The following DCC variants were observed in gnomAD, a reference collection of about 807,000 sequenced individuals.
DCC encodes netrin receptor DCC.
DCC carries 58 observed loss-of-function variants against 172.5 expected under a neutral mutation model. The ratio of observed to expected loss-of-function variants is 0.34; its 90% CI spans 0.27 to 0.42. The LOEUF is 0.42. DCC is among the 10% of genes least tolerant of loss of function. The probability of loss-of-function intolerance (pLI) is 1.00; values close to 1 mark genes in which losing one functional copy is unlikely to be tolerated. For synonymous variants in DCC, 709 were observed against 644.5 expected (o/e 1.10, Z -1.52); for missense variants, 1,740 against 1,791.0 (o/e 0.97, Z 0.51).
At chr18:53,109,941 G>A (rs745844124) in intron 7 of DCC, among the ~76,000 whole-genome samples, 16 of 151,422 alleles carry the variant, frequency 1.1e-4, no homozygotes, top group Non-Finnish European at 2.1e-4. Flanking sequence ...TGAAAACTCT[G>A]AAAGTATTTT....
chr18:52,473,767 G>A (rs986908906), intron 1 of DCC, among the ~76,000 whole-genome samples: 5 of 152,050 alleles, frequency 3.3e-5, no homozygotes, highest in Non-Finnish European at 5.9e-5. Flanking sequence ...ATGAGATTTG[G>A]GTTGGGACAC....
At chr18:53,312,183 A>G (rs1232926461) in intron 13 of DCC, among the ~76,000 whole-genome samples, 1 of 97,316 alleles carries the variant, frequency 1.0e-5, no homozygotes, top group Non-Finnish European at 2.0e-5. Flanking sequence ...AAAAAGAAAA[A>G]GAAAATTAGC....
intron 12 of DCC, among the ~76,000 whole-genome samples, chr18:53,251,634 TAA>T (rs1381701712): frequency 1.3e-5 from 2 of 151,930 alleles, no homozygotes; most frequent in African/African-American, 4.8e-5. Flanking sequence ...TTGGGTTTTT[TAA>T]AAAGTTACAT....
chr18:53,154,655 G>C (rs769726848), intron 7 of DCC, among the ~76,000 whole-genome samples: 1 of 152,166 alleles, frequency 6.6e-6, no homozygotes, highest in South Asian at 2.1e-4. Context: ...AGACGCAATA[G>C]TGTGGGTAGA....
chr18:53,460,606 T>G (rs1252106954), intron 24 of DCC, among the ~76,000 whole-genome samples: 2 of 152,158 alleles, frequency 1.3e-5, no homozygotes, highest in Non-Finnish European at 2.9e-5. Context: ...ACAAAGGACA[T>G]GAACTCATCA....
In DCC at chr18:52,340,844, A is replaced by T. The variant is rs1234404416; in HGVS notation, c.57A>T (p.Gly19=). Reference sequence around the variant, plus strand: ...CCAAGCTGGCTTTTGTACTCTTCGGAGCTTCCTTGTTCAGCGCGCATCTTC... The same window carrying T: ...CCAAGCTGGCTTTTGTACTCTTCGGTGCTTCCTTGTTCAGCGCGCATCTTC... ...WVPKLAFVLF[G]ASLFSAHLQV... The change falls in exon 1 of 29, where the codon GGA becomes GGT. Residue 19 remains glycine (G), a synonymous_variant. Transcript: ENST00000442544. The T allele has an allele frequency of 3.1e-6, 5 of 1,614,014 alleles. No homozygotes were observed. The highest frequency in any genetic ancestry group is 4.2e-6 in the Non-Finnish European group (5 of 1,179,970).
At chr18:53,440,216 G>A (rs184262718) in intron 22 of DCC, among the ~76,000 whole-genome samples, 3 of 152,236 alleles carry the variant, frequency 2.0e-5, no homozygotes, top group African/African-American at 7.2e-5. Context: ...CTCCCTTTCT[G>A]ATTAGAGAAG....
intron 12 of DCC, among the ~76,000 whole-genome samples, chr18:53,282,430 C>T (rs578164347): frequency 6.6e-6 from 1 of 152,230 alleles, no homozygotes; most frequent in South Asian, 2.1e-4. Context: ...GGCAAGAAGG[C>T]TTCTTGGAGA....
chr18:53,129,350 C>T (rs866442753), intron 7 of DCC, among the ~76,000 whole-genome samples: 1 of 152,010 alleles, frequency 6.6e-6, no homozygotes, highest in African/African-American at 2.4e-5. Flanking sequence ...CAATAAAATG[C>T]ACACATCTCA....
At chr18:53,438,194 T>C (rs938977507) in intron 22 of DCC, among the ~76,000 whole-genome samples, 2 of 151,936 alleles carry the variant, frequency 1.3e-5, no homozygotes, top group African/African-American at 4.9e-5. Context: ...CTATCTATAC[T>C]GGTACGGGAC....
intron 17 of DCC, among the ~76,000 whole-genome samples, chr18:53,394,149 G>C (rs1321513251): frequency 6.6e-6 from 1 of 152,116 alleles, no homozygotes; most frequent in African/African-American, 2.4e-5. Flanking sequence ...AATGTACATG[G>C]AGCCACATGA....
At chr18:52,945,790 C>T (rs1367337362) in intron 5 of DCC, among the ~76,000 whole-genome samples, 1 of 152,176 alleles carries the variant, frequency 6.6e-6, no homozygotes. Flanking sequence ...AAACTGACAA[C>T]CTAACGTCCA....
intron 15 of DCC, among the ~76,000 whole-genome samples, chr18:53,342,645 A>G (rs867987811): frequency 1.9e-4 from 29 of 149,822 alleles, no homozygotes; most frequent in Non-Finnish European, 3.9e-4. Context: ...TATAGTTTCA[A>G]ATGTAAAGGT....
chr18:52,583,825 A>G (rs1274313456), intron 1 of DCC, among the ~76,000 whole-genome samples: 1 of 152,200 alleles, frequency 6.6e-6, no homozygotes, highest in African/African-American at 2.4e-5. Flanking sequence ...TAATTTGACA[A>G]GGGCCTCTAA....
intron 1 of DCC, among the ~76,000 whole-genome samples, chr18:52,513,654 C>A (rs1016811991): frequency 4.6e-5 from 7 of 152,028 alleles, no homozygotes; most frequent in Non-Finnish European, 8.8e-5. Context: ...AGAATGCAAA[C>A]CAAGGTCTTT....
At chr18:53,184,679 T>C (rs919161961) in intron 9 of DCC, among the ~76,000 whole-genome samples, 4 of 152,110 alleles carry the variant, frequency 2.6e-5, no homozygotes, top group African/African-American at 7.2e-5. Context: ...TAGCAAGATG[T>C]CACTAGGCGA....
In DCC at chr18:53,406,721, G is replaced by GA. The variant is rs1568112100; in HGVS notation, c.2936-3728dup. 3.0e-4 allele frequency among the ~76,000 whole-genome samples: 39 copies of GA among 130,372 alleles called. 1 individual carries two copies. The highest frequency in any genetic ancestry group is 8.3e-4 in the East Asian group (4 of 4,808). 85.5% of individuals were successfully genotyped at this position (130,372 alleles called of 152,430 possible). On this transcript the variant is annotated intron_variant, in intron 19 of 28. Transcript: ENST00000442544. Reference sequence around the variant, plus strand: ...TCTGTCTCAAAAAAAAAAAAAGAAAGAAAGAAAAAAGAAAAAAAGTACAGG... The same window carrying GA: ...TCTGTCTCAAAAAAAAAAAAAGAAAGAAAAGAAAAAAGAAAAAAAGTACAGG...
At chr18:52,402,602 T>C (rs1986483905) in intron 1 of DCC, among the ~76,000 whole-genome samples, 1 of 152,066 alleles carries the variant, frequency 6.6e-6, no homozygotes, top group South Asian at 2.1e-4. Context: ...TTTCTGTCTG[T>C]CATTTACAAA....
chr18:53,362,613 C>A (rs1599066164), intron 15 of DCC, among the ~76,000 whole-genome samples: 2 of 152,214 alleles, frequency 1.3e-5, no homozygotes, highest in South Asian at 4.1e-4. Flanking sequence ...TATCTTGTAC[C>A]TTCAGGAAGC....
Sources: gnomAD v4.1 joint callset for allele counts (sites outside exome capture counted in the v4.1 genomes callset) on GRCh38, gnomAD v4.1.1 for gene constraint, MANE v1.5 for transcripts, NCBI Gene and HGNC (gene_info 2026-07-23, HGNC 2026-07-21) for gene names.